LMNTD1: variants seen among roughly 807,000 people sequenced by gnomAD.
LMNTD1 encodes the protein lamin tail domain containing 1.
In LMNTD1, 35 loss-of-function variants were observed where a neutral mutation model predicts 50.9. The ratio of observed to expected loss-of-function variants is 0.69; its 90% confidence interval spans 0.53 to 0.91. The LOEUF is 0.91. LMNTD1 is among the 40% of genes least tolerant of loss of function. The pLI, the probability that LMNTD1 is intolerant of heterozygous loss-of-function variation, is 0.00. For synonymous variants in LMNTD1, 153 were observed against 161.9 expected, an observed-to-expected ratio of 0.94 and a Z score of 0.42; for missense variants, 470 against 475.5, an observed-to-expected ratio of 0.99 and a Z score of 0.11.
intron 1 of LMNTD1, among the ~76,000 whole-genome samples, chr12:25,621,358 G>A (rs1393718493): frequency 6.6e-6 from 1 of 152,042 alleles, no homozygotes; most frequent in East Asian, 1.9e-4. Context: ...CCAAAGTGCT[G>A]GGATTACTGA....
chr12:25,499,736 G>GA (rs201519387), intron 9 of LMNTD1: 29,602 of 143,764 alleles, frequency 0.21, 3,528 homozygotes, highest in Non-Finnish European at 0.29. Flanking sequence ...AAGTGTGATA[G>GA]AAAAAAAAAA....
intron 1 of LMNTD1, among the ~76,000 whole-genome samples, chr12:25,591,854 A>G (rs1039320922): frequency 6.8e-6 from 1 of 147,922 alleles, no homozygotes. Flanking sequence ...AGAGAGAGAG[A>G]GAGACTCTAT....
intron 1 of LMNTD1, among the ~76,000 whole-genome samples, chr12:25,643,869 G>A (rs535156669): frequency 6.6e-6 from 1 of 152,250 alleles, no homozygotes; most frequent in African/African-American, 2.4e-5. Flanking sequence ...AATGGCAAAT[G>A]GCACATAGCT....
chr12:25,559,414 A>T (rs1944191249), intron 1 of LMNTD1, among the ~76,000 whole-genome samples: 1 of 152,172 alleles, frequency 6.6e-6, no homozygotes, highest in Admixed American at 6.5e-5. Context: ...CATGGTGTAT[A>T]TGTGACACAT....
intron 1 of LMNTD1, among the ~76,000 whole-genome samples, chr12:25,627,696 G>T (rs1349125898): frequency 6.6e-6 from 1 of 152,104 alleles, no homozygotes; most frequent in African/African-American, 2.4e-5. Flanking sequence ...AACTAAAGGT[G>T]CATATGTTTA....
At chr12:25,602,224 T>A (rs1476673900) in intron 1 of LMNTD1, among the ~76,000 whole-genome samples, 1 of 151,960 alleles carries the variant, frequency 6.6e-6, no homozygotes. Context: ...TTAGGCAGCA[T>A]AACTCTGGTT....
chr12:25,514,710 G>A (rs188971374), intron 8 of LMNTD1, among the ~76,000 whole-genome samples: 19 of 152,066 alleles, frequency 1.2e-4, no homozygotes, highest in Non-Finnish European at 2.1e-4. Context: ...TTGAGGGAAC[G>A]GATAATCCCC....
intron 1 of LMNTD1, among the ~76,000 whole-genome samples, chr12:25,644,202 G>C (rs1192045644): frequency 1.3e-5 from 2 of 151,708 alleles, no homozygotes; most frequent in African/African-American, 4.8e-5. Flanking sequence ...GAAGCCAGGT[G>C]TGATGGCTCA....
At chr12:25,557,883 C>G (rs1249453279), upstream of LMNTD1, among the ~76,000 whole-genome samples, 2 of 152,198 alleles carry the variant, frequency 1.3e-5, no homozygotes, top group Non-Finnish European at 2.9e-5. Flanking sequence ...GAAAAGTAGT[C>G]TGGAGCCAAA....
At chr12:25,495,115 C>G (rs2135924168) in intron 9 of LMNTD1, among the ~76,000 whole-genome samples, 1 of 152,242 alleles carries the variant, frequency 6.6e-6, no homozygotes, top group Middle Eastern at 3.4e-3. Context: ...AGAACTCTAG[C>G]CCTGATACTT....
intron 1 of LMNTD1, among the ~76,000 whole-genome samples, chr12:25,564,328 G>A (rs760840142): frequency 5.3e-5 from 8 of 152,114 alleles, no homozygotes; most frequent in African/African-American, 7.2e-5. Flanking sequence ...GCACAATCTC[G>A]GCTGACTGCA....
At chr12:25,551,257 A>G (rs80198131) in intron 2 of LMNTD1, among the ~76,000 whole-genome samples, 5,079 of 152,316 alleles carry the variant, frequency 0.033, 201 homozygotes, top group African/African-American at 0.1. Flanking sequence ...TAGTAAAACA[A>G]TAGCACTTTA....
At chr12:25,604,125 T>C (rs1946042531) in intron 1 of LMNTD1, among the ~76,000 whole-genome samples, 1 of 152,098 alleles carries the variant, frequency 6.6e-6, no homozygotes, top group African/African-American at 2.4e-5. Context: ...TGGCAGAGAA[T>C]CTGCTTCCTC....
At chr12:25,608,316 C>T (rs2136528837) in intron 1 of LMNTD1, among the ~76,000 whole-genome samples, 1 of 152,274 alleles carries the variant, frequency 6.6e-6, no homozygotes, top group Middle Eastern at 3.4e-3. Flanking sequence ...TTAATTGGGG[C>T]ATTTAGCCCA....
intron 9 of LMNTD1, among the ~76,000 whole-genome samples, chr12:25,477,021 C>G (rs36112053): frequency 0.18 from 27,281 of 152,168 alleles, 3,040 homozygotes; most frequent in East Asian, 0.51. Context: ...CCCATATTCC[C>G]TCTGTGCCCA....
intron 1 of LMNTD1, among the ~76,000 whole-genome samples, chr12:25,582,866 G>C (rs552337056): frequency 6.6e-6 from 1 of 152,142 alleles, no homozygotes; most frequent in Non-Finnish European, 1.5e-5. Flanking sequence ...TTATTTATTT[G>C]AGAGTAGGTC....
At chr12:25,484,317 T>A (rs368189618) in intron 9 of LMNTD1, among the ~76,000 whole-genome samples, 1 of 151,914 alleles carries the variant, frequency 6.6e-6, no homozygotes, top group Non-Finnish European at 1.5e-5. Context: ...CAGGCTGGTC[T>A]TGAACTCCTG....
chr12:25,564,417 C>T (rs1944466464), intron 1 of LMNTD1, among the ~76,000 whole-genome samples: 3 of 152,098 alleles, frequency 2.0e-5, no homozygotes, highest in South Asian at 2.1e-4. Flanking sequence ...CACCACCACG[C>T]CTGACTAATT....
intron 1 of LMNTD1, among the ~76,000 whole-genome samples, chr12:25,610,087 C>A (rs1946208394): frequency 6.6e-6 from 1 of 152,198 alleles, no homozygotes; most frequent in South Asian, 2.1e-4. Flanking sequence ...TGCCACCTTG[C>A]AGTTCTATCT....
Sources: allele counts gnomAD v4.1 joint callset (sites outside exome capture counted in the v4.1 genomes callset), GRCh38; gene constraint gnomAD v4.1.1; transcripts MANE v1.5; gene names NCBI Gene and HGNC (gene_info 2026-07-23, HGNC 2026-07-21).